The following NAALADL2 variants were observed in gnomAD, a reference collection of about 807,000 sequenced individuals.
NAALADL2 encodes inactive N-acetylated-alpha-linked acidic dipeptidase-like protein 2.
In NAALADL2, 76 loss-of-function variants were observed where a neutral mutation model predicts 87.2. The observed-to-expected ratio is 0.87, with a 90% confidence interval of 0.72 to 1.05. The LOEUF (loss-of-function observed/expected upper bound fraction) is 1.05. Ranked by LOEUF, NAALADL2 falls within the 50% of genes least tolerant of loss-of-function variation. NAALADL2 has a pLI of 0.00. For missense variants in NAALADL2, 1,089 were observed against 945.8 expected (o/e 1.15, Z -1.99); for synonymous variants, 354 against 331.0 (o/e 1.07, Z -0.75).
intron 2 of NAALADL2, among the ~76,000 whole-genome samples, chr3:174,623,706 G>T (rs1241763522): frequency 6.6e-6 from 1 of 151,836 alleles, no homozygotes; most frequent in African/African-American, 2.4e-5. Flanking sequence ...TTGTTGAAGG[G>T]TCAACTATGT....
intron 1 of NAALADL2, among the ~76,000 whole-genome samples, chr3:174,929,108 G>A (rs1053671760): frequency 3.9e-5 from 6 of 152,178 alleles, no homozygotes; most frequent in Non-Finnish European, 4.4e-5. Context: ...AGCCAGTGAT[G>A]AGTAGTCAGC....
intron 1 of NAALADL2, among the ~76,000 whole-genome samples, chr3:174,549,456 C>T (rs925457558): frequency 6.6e-6 from 1 of 152,100 alleles, no homozygotes; most frequent in Non-Finnish European, 1.5e-5. Flanking sequence ...TATAAAATCA[C>T]CTGGTGTCAA....
intron 11 of NAALADL2, among the ~76,000 whole-genome samples, chr3:175,694,466 C>T (rs1350504556): frequency 6.6e-6 from 1 of 152,116 alleles, no homozygotes; most frequent in African/African-American, 2.4e-5. Flanking sequence ...TGTGAAGATA[C>T]TGACACAAGA....
intron 5 of NAALADL2, among the ~76,000 whole-genome samples, chr3:175,367,924 G>C (rs1765865192): frequency 6.6e-6 from 1 of 152,094 alleles, no homozygotes; most frequent in Non-Finnish European, 1.5e-5. Flanking sequence ...GGGCATCCCT[G>C]TCTTGTGCCA....
At chr3:174,585,662 G>GTT (rs927078755) in intron 2 of NAALADL2, among the ~76,000 whole-genome samples, 5 of 142,144 alleles carry the variant, frequency 3.5e-5, no homozygotes, top group African/African-American at 1.3e-4. Flanking sequence ...AGTTTTTTTT[G>GTT]TTTTTTTTTT....
At chr3:175,199,630 G>A (rs1009729338) in intron 2 of NAALADL2, among the ~76,000 whole-genome samples, 2 of 151,124 alleles carry the variant, frequency 1.3e-5, no homozygotes, top group South Asian at 2.1e-4. Context: ...AAGGGCTATG[G>A]TGCGTAGACT....
chr3:175,423,051 ATTTTTT>A lies in NAALADL2; in HGVS notation c.1091-24171_1091-24166del, dbSNP rs201372383. Among the ~76,000 whole-genome samples, 160 of 91,500 alleles carry A rather than the reference ATTTTTT, an allele frequency of 1.7e-3. 2 individuals are homozygous for A. Among genetic ancestry groups the A allele is most frequent in the East Asian group, 6.4e-3 (18 of 2,796 alleles). 60.0% of individuals were successfully genotyped at this position (91,500 alleles called of 152,430 possible). On this transcript the variant is annotated intron_variant, in intron 5 of 13. Coordinates refer to ENST00000454872, the MANE Select transcript of NAALADL2 (RefSeq NM_207015.3). ...AAAATATATATATATATATATATAT[ATTTTTT>A]TTTTTTCCTGAGTTGTAGAACTGGA... is the stretch of plus-strand genomic sequence containing the variant.
chr3:174,952,433 A>C (rs917865397), intron 1 of NAALADL2, among the ~76,000 whole-genome samples: 2 of 152,114 alleles, frequency 1.3e-5, no homozygotes, highest in African/African-American at 2.4e-5. Flanking sequence ...CTGTGATAGC[A>C]ATTTTCCTAT....
rs118047522 is a variant in NAALADL2, at chr3:175,404,955, A to G, written c.1091-42274A>G. ...ATATTTTAATTTTATTATCTTTCTT[A>G]TAATTTCACTAGGCAAATTAGATGA... On this transcript the variant is annotated intron_variant, in intron 5 of 13. Transcript: ENST00000454872. 3.3e-4 allele frequency among the ~76,000 whole-genome samples: 50 copies of G among 152,270 alleles called. No individual in the cohort carries two copies. In the East Asian group the frequency reaches 9.4e-3, roughly 29 times the overall value.
At chr3:175,617,456 G>A (rs557051571) in intron 10 of NAALADL2, among the ~76,000 whole-genome samples, 7 of 152,272 alleles carry the variant, frequency 4.6e-5, no homozygotes, top group South Asian at 2.1e-4. Context: ...GGGTGGAGGC[G>A]GCTTCCTCAT....
chr3:175,016,561 C>T (rs1478915159), intron 1 of NAALADL2, among the ~76,000 whole-genome samples: 1 of 150,928 alleles, frequency 6.6e-6, no homozygotes, highest in African/African-American at 2.4e-5. Flanking sequence ...CTGAAATGTG[C>T]TTTATTAAAA....
intron 2 of NAALADL2, among the ~76,000 whole-genome samples, chr3:175,133,399 G>A (rs867841634): frequency 1.3e-5 from 2 of 151,244 alleles, no homozygotes; most frequent in Non-Finnish European, 3.0e-5. Flanking sequence ...GTAGCGAGCC[G>A]ATATCACGCC....
In NAALADL2 at chr3:174,673,455, A is replaced by T. The variant is rs78077058; in HGVS notation, c.-114-64186A>T. On this transcript the variant is annotated intron_variant, in intron 2 of 3. Transcript: ENST00000434257. The stretch of plus-strand genomic sequence containing the variant: ...GCTTAATGAATGAAGATAATGTGGT[A>T]TGTGTACACAGTGGAATACTGTTCA... 5.9e-5 allele frequency among the ~76,000 whole-genome samples: 9 copies of T among 152,170 alleles called. No individual in the cohort carries two copies. The South Asian group carries it at 1.9e-3, about 32-fold the overall frequency.
chr3:174,866,043 T>C (rs983788984), intron 1 of NAALADL2, among the ~76,000 whole-genome samples: 3 of 151,942 alleles, frequency 2.0e-5, no homozygotes, highest in African/African-American at 7.2e-5. Flanking sequence ...ACAAATTTGC[T>C]TTCAAGCCTC....
chr3:175,171,320 T>G (rs1477142688), intron 2 of NAALADL2, among the ~76,000 whole-genome samples: 2 of 151,982 alleles, frequency 1.3e-5, no homozygotes, highest in Non-Finnish European at 2.9e-5. Context: ...GCCAAGTAAC[T>G]CCTTATAAAG....
intron 2 of NAALADL2, among the ~76,000 whole-genome samples, chr3:174,704,650 A>G (rs1729887219): frequency 6.6e-6 from 1 of 152,078 alleles, no homozygotes; most frequent in African/African-American, 2.4e-5. Context: ...AATATTATCA[A>G]TTCATATATA....
In NAALADL2 at chr3:174,497,236, G is replaced by A. The variant is rs371295163; in HGVS notation, c.-183-53333G>A. 2.2e-3 allele frequency among the ~76,000 whole-genome samples: 340 copies of A among 151,996 alleles called. 1 individual carries two copies. Among genetic ancestry groups the A allele is most frequent in the African/African-American group, 7.6e-3 (317 of 41,474 alleles). On this transcript the variant is annotated intron_variant, in intron 1 of 3. Coordinates refer to the NAALADL2 transcript ENST00000434257. ...TCATATTAAAATTTGTGTAGTCCTGGAACTTGTGTCACTGGGGTCAGAGGA... is the reference window on the plus strand; with the variant it reads ...TCATATTAAAATTTGTGTAGTCCTGAAACTTGTGTCACTGGGGTCAGAGGA...
intron 11 of NAALADL2, among the ~76,000 whole-genome samples, chr3:175,721,083 GAGAAAA>G (rs572640287): frequency 1.2e-3 from 187 of 152,202 alleles, no homozygotes; most frequent in Non-Finnish European, 2.4e-3. Flanking sequence ...CAATGTAAGA[GAGAAAA>G]AGAAGGGCTT....
chr3:175,565,767 G>T (rs1717003942), intron 9 of NAALADL2, among the ~76,000 whole-genome samples: 1 of 150,776 alleles, frequency 6.6e-6, no homozygotes, highest in South Asian at 2.1e-4. Flanking sequence ...CTGAAACTGG[G>T]CCATATCTGT....
Sources: allele counts gnomAD v4.1 joint callset (sites outside exome capture counted in the v4.1 genomes callset), GRCh38; gene constraint gnomAD v4.1.1; transcripts MANE v1.5; gene names NCBI Gene and HGNC (gene_info 2026-07-23, HGNC 2026-07-21).